Variants in CDC14B observed in about 807,000 individuals in gnomAD.
CDC14B encodes cell division cycle 14B.
CDC14B carries 22 observed loss-of-function variants against 64.2 expected under a neutral mutation model. The observed-to-expected ratio is 0.34, with a 90% CI of 0.24 to 0.49. The LOEUF (loss-of-function observed/expected upper bound fraction) is 0.49, where lower values mean the gene tolerates loss of function less well. Among genes scored for constraint, CDC14B ranks in the 20% least tolerant of loss-of-function variants. The probability of loss-of-function intolerance (pLI) is 0.99; values close to 1 mark genes in which losing one functional copy is unlikely to be tolerated. For missense variants in CDC14B, 498 were observed against 629.9 expected (o/e 0.79, Z 2.24); for synonymous variants, 191 against 215.8 (o/e 0.89, Z 1.01).
intron 7 of CDC14B, among the ~76,000 whole-genome samples, chr9:96,536,409 T>C (rs1368546890): frequency 6.6e-6 from 1 of 152,196 alleles, no homozygotes; most frequent in African/African-American, 2.4e-5. Context: ...ACAAAGTAAC[T>C]TGTTTCAAAT....
intron 9 of CDC14B, among the ~76,000 whole-genome samples, chr9:96,533,060 G>A (rs751572464): frequency 2.0e-5 from 3 of 151,992 alleles, no homozygotes; most frequent in African/African-American, 7.3e-5. Flanking sequence ...TCTGCCTTCC[G>A]GGTTCAAGTG....
chr9:96,537,663 C>G (rs1403104681), intron 7 of CDC14B, among the ~76,000 whole-genome samples: 2 of 152,192 alleles, frequency 1.3e-5, no homozygotes, highest in African/African-American at 4.8e-5. Flanking sequence ...GTCTGAGCAC[C>G]TGAAGGGGCA....
At chr9:96,497,329 C>A (rs553380966), downstream of CDC14B, among the ~76,000 whole-genome samples, 2 of 152,288 alleles carry the variant, frequency 1.3e-5, no homozygotes, top group African/African-American at 4.8e-5. Flanking sequence ...GGAGGCCCCC[C>A]ACTCCCACAC....
chr9:96,600,240 T>TTATA (rs376489232), intron 1 of CDC14B, among the ~76,000 whole-genome samples: 22 of 147,934 alleles, frequency 1.5e-4, no homozygotes, highest in South Asian at 4.3e-4. Flanking sequence ...ACCAAAAAAA[T>TTATA]TATATATATA....
intron 1 of CDC14B, among the ~76,000 whole-genome samples, chr9:96,577,181 G>T (rs1844864158): frequency 6.6e-6 from 1 of 151,436 alleles, no homozygotes; most frequent in African/African-American, 2.4e-5. Context: ...AACCTGGGAG[G>T]TGTAAGTTGC....
At chr9:96,518,903 A>G (rs907283814) in intron 12 of CDC14B, among the ~76,000 whole-genome samples, 5 of 151,976 alleles carry the variant, frequency 3.3e-5, no homozygotes, top group East Asian at 2.0e-4. Flanking sequence ...TTGGGAGGCC[A>G]AGGTGGGCAG....
chr9:96,531,286 G>A (rs1229402755), intron 9 of CDC14B, among the ~76,000 whole-genome samples: 3 of 152,096 alleles, frequency 2.0e-5, no homozygotes, highest in Admixed American at 2.0e-4. Context: ...TGCTTTCTCA[G>A]GAGGTTTTGG....
chr9:96,579,115 G>C (rs1188703302), intron 1 of CDC14B, among the ~76,000 whole-genome samples: 3 of 151,832 alleles, frequency 2.0e-5, no homozygotes, highest in Non-Finnish European at 4.4e-5. Context: ...ACCGCACCCA[G>C]CCCAGTGTTG....
chr9:96,569,062 A>C lies in CDC14B; in HGVS notation c.161-3579T>G, dbSNP rs559531907. ...TCGTAGGTAGCAAGTCTGTGGAAGC[A>C]GCCACAAGAAACGTATCAATGCCTT... On this transcript the variant is annotated intron_variant, in intron 1 of 13. Transcript: ENST00000375241. Among the ~76,000 whole-genome samples, 92 of 152,354 alleles carry C rather than the reference A, an allele frequency of 6.0e-4. 1 individual carries two copies. In the South Asian group the frequency reaches 0.019, roughly 31 times the overall value.
chr9:96,518,014 T>C (rs1836012227), intron 12 of CDC14B, among the ~76,000 whole-genome samples: 1 of 151,994 alleles, frequency 6.6e-6, no homozygotes, highest in African/African-American at 2.4e-5. Context: ...GTTCTAGCAG[T>C]GAGGAAGGAA....
chr9:96,543,765 G>A (rs118099113), intron 5 of CDC14B, among the ~76,000 whole-genome samples: 3,843 of 152,306 alleles, frequency 0.025, 85 homozygotes, highest in Non-Finnish European at 0.036. Flanking sequence ...CAGAAAAACT[G>A]TGCCTATCTG....
At chr9:96,495,393 C>A (rs1016201661), downstream of CDC14B, among the ~76,000 whole-genome samples, 33 of 138,278 alleles carry the variant, frequency 2.4e-4, no homozygotes, top group Non-Finnish European at 2.5e-4. Flanking sequence ...TGTGTGCTGC[C>A]CCCCCCCGCC....
intron 1 of CDC14B, among the ~76,000 whole-genome samples, chr9:96,595,374 A>G (rs971372220): frequency 6.6e-6 from 1 of 152,242 alleles, no homozygotes; most frequent in African/African-American, 2.4e-5. Context: ...CATGACACGT[A>G]AAGAAAATAA....
At chr9:96,575,131 T>C (rs923818419) in intron 1 of CDC14B, among the ~76,000 whole-genome samples, 5 of 152,120 alleles carry the variant, frequency 3.3e-5, no homozygotes, top group African/African-American at 4.8e-5. Flanking sequence ...GATAAGAGGG[T>C]GGAGGAGGCA....
At position 96,576,425 on chromosome 9, in the gene CDC14B, G is replaced by A. The variant is rs548626130; in HGVS notation, c.161-10942C>T. On this transcript the variant is annotated intron_variant, in intron 1 of 13. Coordinates refer to ENST00000375241, the MANE Select transcript of CDC14B (RefSeq NM_033331.4). ...GCAGGTGGATCACTTGAGGTCAGGAGTTTGAGACCAGCCTGACCAACATCA... is the reference window on the plus strand; with the variant it reads ...GCAGGTGGATCACTTGAGGTCAGGAATTTGAGACCAGCCTGACCAACATCA... Among the ~76,000 whole-genome samples the A allele has an allele frequency of 3.3e-5, 5 of 152,208 alleles. No homozygotes were observed. In the South Asian group the frequency reaches 6.2e-4, roughly 19 times the overall value.
intron 1 of CDC14B, among the ~76,000 whole-genome samples, chr9:96,603,016 CAGA>C (rs1846606677): frequency 6.6e-6 from 1 of 151,918 alleles, no homozygotes; most frequent in East Asian, 1.9e-4. Flanking sequence ...GGATGGAAAC[CAGA>C]AGCTTAACCA....
At chr9:96,506,241 A>T (rs1402276393) in intron 13 of CDC14B, among the ~76,000 whole-genome samples, 1 of 152,162 alleles carries the variant, frequency 6.6e-6, no homozygotes, top group Non-Finnish European at 1.5e-5. Flanking sequence ...AAATTTACTC[A>T]ACAATCTTAG....
chr9:96,516,913 C>T (rs532576686), intron 12 of CDC14B, among the ~76,000 whole-genome samples: 1 of 151,998 alleles, frequency 6.6e-6, no homozygotes, highest in Non-Finnish European at 1.5e-5. Context: ...CTCAGCCTCC[C>T]AAGCAACTGG....
chr9:96,585,213 C>CTT (rs531434808), intron 1 of CDC14B, among the ~76,000 whole-genome samples: 58 of 143,854 alleles, frequency 4.0e-4, no homozygotes, highest in African/African-American at 1.4e-3. Flanking sequence ...GATTAAGGCA[C>CTT]TTTTTTTTTT....
Sources: allele counts gnomAD v4.1 joint callset (sites outside exome capture counted in the v4.1 genomes callset), GRCh38; gene constraint gnomAD v4.1.1; transcripts MANE v1.5; gene names NCBI Gene and HGNC (gene_info 2026-07-23, HGNC 2026-07-21).